Variants in BLOC1S3 observed in about 807,000 individuals in gnomAD.
BLOC1S3 encodes biogenesis of lysosomal organelles complex 1 subunit 3, also known as biogenesis of lysosome-related organelles complex 1 subunit 3.
A neutral mutation model predicts 9.1 loss-of-function variants in BLOC1S3; 7 were observed. The observed-to-expected ratio is 0.77, with a 90% CI of 0.44 to 1.45. The LOEUF (loss-of-function observed/expected upper bound fraction) is 1.45, where lower values mean the gene tolerates loss of function less well. Among genes scored for constraint, BLOC1S3 ranks in the 40% most tolerant of loss-of-function variants. The pLI is 0.01. For missense variants in BLOC1S3, 307 were observed against 315.2 expected, an observed-to-expected ratio of 0.97 and a Z score of 0.20; for synonymous variants, 145 against 158.4, an observed-to-expected ratio of 0.92 and a Z score of 0.64.
rs776954921 is a variant in BLOC1S3 at position 45,179,546 on chromosome 19, G to T, written c.250G>T (p.Val84Leu). Residue 84 changes from valine to leucine, a missense_variant, in exon 2 of 2, where the codon GTG (valine) becomes TTG (leucine). Transcript: ENST00000433642. This position sits in a 1 kb window ranked among gnomAD's most constrained non-coding sequence, Gnocchi z 4.6. ...TAAPRDLPPLVVQRESAEEAW... is the reference protein window; with the variant it reads ...TAAPRDLPPLLVQRESAEEAW... ...CGCGCCGAGGGACCTGCCTCCACTC[G>T]TGGTGCAGCGGGAATCGGCGGAGGA... 1 of 1,522,142 alleles carries T rather than the reference G, an allele frequency of 6.6e-7. No individual in the cohort carries two copies. The highest frequency in any genetic ancestry group is 1.2e-5 in the South Asian group (1 of 82,600). 94.3% of individuals were successfully genotyped at this position (1,522,142 alleles called of 1,614,324 possible). A position where few individuals can be genotyped will look rare whatever the true frequency, so the allele number is the denominator to read the frequency against.
At position 45,179,194 on chromosome 19, in the gene BLOC1S3, G is replaced by A. The variant is rs1969466149; in HGVS notation, c.-9-94G>A. On this transcript the variant is annotated intron_variant, in intron 1 of 1. Coordinates refer to ENST00000433642, the MANE Select transcript of BLOC1S3 (RefSeq NM_212550.5). The surrounding 1 kb of genome is among the most constrained non-coding windows in gnomAD (Gnocchi z 4.6). ...GGAGCAGCTGACACCAAGTCGTTAA[G>A]AGAATCAGCGAAGGGGCTGGGAATC... is the stretch of plus-strand genomic sequence containing the variant. The A allele has an allele frequency of 5.2e-6, 7 of 1,347,876 alleles. No homozygotes were observed. The highest frequency in any genetic ancestry group is 1.5e-5 in the African/African-American group (1 of 64,892). The allele number at this position is 1,347,876 out of a possible 1,614,324, so 83.5% of individuals were successfully genotyped here. A position where few individuals can be genotyped will look rare whatever the true frequency, so the allele number is the denominator to read the frequency against.
In BLOC1S3 at chr19:45,180,046, C is replaced by A; in HGVS notation, c.*141C>A. 5 of 923,326 alleles carry A rather than the reference C, an allele frequency of 5.4e-6. No homozygotes were observed. The South Asian group carries it at 8.7e-5, about 16-fold the overall frequency. 57.2% of individuals were successfully genotyped at this position (923,326 alleles called of 1,614,324 possible). A position where few individuals can be genotyped will look rare whatever the true frequency, so the allele number is the denominator to read the frequency against. The stretch of plus-strand genomic sequence containing the variant: ...TCACCCATGGGGGCTAATCCGGTCC[C>A]CTTGGATAATGCTTTATATTGGATA... On this transcript the variant is annotated 3_prime_UTR_variant, in exon 2 of 2. Coordinates refer to ENST00000433642, the MANE Select transcript of BLOC1S3 (RefSeq NM_212550.5).
chr19:45,179,711 G>A lies in BLOC1S3; in HGVS notation c.415G>A (p.Val139Met). The change falls in exon 2 of 2, where the codon GTG becomes ATG. Residue 139 changes from valine (V) to methionine (M), a missense_variant. Physicochemically the swap from Val to Met is conservative, Grantham distance 21. Transcript: ENST00000433642. This position sits in a 1 kb window ranked among gnomAD's most constrained non-coding sequence, Gnocchi z 4.6. ...TGTCTACCGCCGTGCAGGCCGCGACGTGGCCGCCCTGGCTAGTAGGCTGGC... is the reference window on the plus strand; with the variant it reads ...TGTCTACCGCCGTGCAGGCCGCGACATGGCCGCCCTGGCTAGTAGGCTGGC... The part of the protein sequence containing the change: ...SGVYRRAGRD[V>M]AALASRLAAA... The A allele has an allele frequency of 1.4e-6, 2 of 1,458,096 alleles. No homozygotes were observed. Among genetic ancestry groups the A allele is most frequent in the Middle Eastern group, 2.0e-4 (1 of 4,922 alleles). 90.3% of individuals were successfully genotyped at this position (1,458,096 alleles called of 1,614,324 possible).
At chr19:45,201,202 CAA>C (rs35443104) in intron 2 of BLOC1S3, among the ~76,000 whole-genome samples, 226 of 126,822 alleles carry the variant, frequency 1.8e-3, no homozygotes, top group South Asian at 4.7e-3. Context: ...GACCCTGTCT[CAA>C]AAAAAAAAAA....
chr19:45,216,248 T>C, intron 3 of BLOC1S3: 2 of 1,596,198 alleles, frequency 1.3e-6, no homozygotes, highest in Non-Finnish European at 1.7e-6. Flanking sequence ...ACCCTGCCAA[T>C]TCCTGCCCCT....
At chr19:45,210,501 G>T (rs1279333122) in intron 3 of BLOC1S3, among the ~76,000 whole-genome samples, 1 of 151,382 alleles carries the variant, frequency 6.6e-6, no homozygotes, top group Admixed American at 6.6e-5. Context: ...GTTTCTCCAC[G>T]TTGGCCAGGC....
chr19:45,179,663 G>C lies in BLOC1S3; in HGVS notation c.367G>C (p.Asp123His). 1 of 1,467,542 alleles carries C rather than the reference G, an allele frequency of 6.8e-7. No homozygotes were observed. 90.9% of individuals were successfully genotyped at this position (1,467,542 alleles called of 1,614,324 possible). A position where few individuals can be genotyped will look rare whatever the true frequency, so the allele number is the denominator to read the frequency against. The change falls in exon 2 of 2, where the codon GAC (aspartate) becomes CAC (histidine). Residue 123 changes from aspartate (D) to histidine (H), a missense_variant. Coordinates refer to ENST00000433642, the MANE Select transcript of BLOC1S3 (RefSeq NM_212550.5). This position sits in a 1 kb window ranked among gnomAD's most constrained non-coding sequence, Gnocchi z 4.6. ...GGAGAGCCAGGCGCGGCTGGACCACGACGTGGCGGCCGCCGTGAGCGGTGT... is the reference window on the plus strand; with the variant it reads ...GGAGAGCCAGGCGCGGCTGGACCACCACGTGGCGGCCGCCGTGAGCGGTGT... The part of the protein sequence containing the change: ...LAESQARLDH[D>H]VAAAVSGVYR...
At position 45,180,178 on chromosome 19, in the gene BLOC1S3, C is replaced by T. The variant is rs1399221031; in HGVS notation, c.*273C>T. 5.1e-6 allele frequency: 2 copies of T among 389,968 alleles called. 1 individual carries two copies. The highest frequency in any genetic ancestry group is 9.3e-5 in the Admixed American group (2 of 21,508). The allele number at this position is 389,968 out of a possible 1,614,324, so 24.2% of individuals were successfully genotyped here. A position where few individuals can be genotyped will look rare whatever the true frequency, so the allele number is the denominator to read the frequency against. ...TTCTGAGCCTTCCCCTGGGGCTTGG[C>T]TCCAGCCTTTGTTACATAGTTGCTC... is the stretch of plus-strand genomic sequence containing the variant. On this transcript the variant is annotated 3_prime_UTR_variant, in exon 2 of 2. Coordinates refer to ENST00000433642, the MANE Select transcript of BLOC1S3 (RefSeq NM_212550.5).
At chr19:45,207,657 AAC>A (rs1969738106) in intron 3 of BLOC1S3, among the ~76,000 whole-genome samples, 2 of 150,556 alleles carry the variant, frequency 1.3e-5, no homozygotes, top group South Asian at 4.2e-4. Flanking sequence ...GAATTGCTTG[AAC>A]CCAGGAGGTG....
intron 2 of BLOC1S3, among the ~76,000 whole-genome samples, chr19:45,193,739 G>A (rs181172852): frequency 2.0e-3 from 291 of 146,502 alleles, no homozygotes; most frequent in Middle Eastern, 3.5e-3. Flanking sequence ...TTTGCAAAAT[G>A]TGTATTCCTT....
In BLOC1S3 at chr19:45,179,490, C is replaced by T. The variant is rs1163081079; in HGVS notation, c.194C>T (p.Ser65Leu). The T allele has an allele frequency of 2.6e-6, 4 of 1,521,652 alleles. No individual in the cohort carries two copies. The highest frequency in any genetic ancestry group is 3.5e-6 in the Non-Finnish European group (4 of 1,141,362). 94.3% of individuals were successfully genotyped at this position (1,521,652 alleles called of 1,614,324 possible). ...RVAGEAAETD[S>L]EPEPEPEPTA... ...GCTGGGGAAGCCGCGGAGACCGACT[C>T]GGAGCCGGAGCCGGAGCCGGAACCG... Residue 65 changes from serine to leucine, a missense_variant, in exon 2 of 2, where the codon TCG becomes TTG. By Grantham distance (145) the Ser-to-Leu change is moderately radical (BLOSUM62 -2). Coordinates refer to ENST00000433642, the MANE Select transcript of BLOC1S3 (RefSeq NM_212550.5). This position sits in a 1 kb window ranked among gnomAD's most constrained non-coding sequence, Gnocchi z 4.6.
chr19:45,179,302 G>A lies in BLOC1S3; in HGVS notation c.6G>A (p.Ala2=), dbSNP rs746634818. Residue 2 remains alanine, a synonymous_variant, in exon 2 of 2, where the codon GCG becomes GCA. Coordinates refer to ENST00000433642, the MANE Select transcript of BLOC1S3 (RefSeq NM_212550.5). This position sits in a 1 kb window ranked among gnomAD's most constrained non-coding sequence, Gnocchi z 4.6. ...TTCTCCCCTAGTTCGGTGCCATGGC[G>A]TCCCAGGGTCGTCGGCGGAGGCCCC... is the stretch of plus-strand genomic sequence containing the variant. M[A]SQGRRRRPLR... is the part of the protein sequence containing the mutation. 53 of 1,579,330 alleles carry A rather than the reference G, an allele frequency of 3.4e-5. No homozygotes were observed. The highest frequency in any genetic ancestry group is 4.3e-5 in the Non-Finnish European group (50 of 1,171,778).
At chr19:45,210,159 G>C (rs1480737784) in intron 3 of BLOC1S3, among the ~76,000 whole-genome samples, 1 of 152,178 alleles carries the variant, frequency 6.6e-6, no homozygotes, top group Non-Finnish European at 1.5e-5. Flanking sequence ...AATAGAGACA[G>C]AGAGATTAGT....
chr19:45,184,682 C>T (rs547490014), downstream of BLOC1S3, among the ~76,000 whole-genome samples: 31 of 152,032 alleles, frequency 2.0e-4, no homozygotes, highest in Admixed American at 1.6e-3. Context: ...TGGTGGATCA[C>T]GAGGTCAGGA....
downstream of BLOC1S3, among the ~76,000 whole-genome samples, chr19:45,182,210 C>T (rs539660379): frequency 3.3e-5 from 5 of 151,504 alleles, no homozygotes; most frequent in Admixed American, 6.6e-5. Flanking sequence ...CGATGTATCA[C>T]GCCTGTAATC....
At chr19:45,185,319 C>A (rs929567362), downstream of BLOC1S3, among the ~76,000 whole-genome samples, 1 of 152,136 alleles carries the variant, frequency 6.6e-6, no homozygotes, top group Non-Finnish European at 1.5e-5. Flanking sequence ...AGAGTAGATA[C>A]TGGGCAAATT....
chr19:45,183,647 T>C (rs1193250242), downstream of BLOC1S3, among the ~76,000 whole-genome samples: 2 of 132,052 alleles, frequency 1.5e-5, no homozygotes, highest in Non-Finnish European at 3.2e-5. Context: ...TTTTTTTTGA[T>C]ATGGAGTCTC....
At chr19:45,185,543 T>A (rs1969560498), downstream of BLOC1S3, among the ~76,000 whole-genome samples, 1 of 151,876 alleles carries the variant, frequency 6.6e-6, no homozygotes, top group African/African-American at 2.4e-5. Context: ...CTAACCACAT[T>A]TCAAGGGGAA....
rs1969523109 is a variant in BLOC1S3, at chr19:45,181,650, T to C, written c.*1745T>C. ...ACCTGTGTTTTCTTCCGATCCCAGC[T>C]CTGGTCCCTCAGCCGCATTCATATT... On this transcript the variant is annotated 3_prime_UTR_variant, in exon 2 of 2. Transcript: ENST00000433642. The C allele has an allele frequency of 6.0e-6, 1 of 167,126 alleles. No homozygotes were observed. Among genetic ancestry groups the C allele is most frequent in the Admixed American group, 6.5e-5 (1 of 15,274 alleles). The allele number at this position is 167,126 out of a possible 1,614,324, so 10.4% of individuals were successfully genotyped here.
Sources: allele counts gnomAD v4.1 joint callset (sites outside exome capture counted in the v4.1 genomes callset), GRCh38; gene constraint gnomAD v4.1.1; non-coding constraint Gnocchi (gnomAD v3.1); transcripts MANE v1.5; gene names NCBI Gene and HGNC (gene_info 2026-07-23, HGNC 2026-07-21).